FREM2: variants seen among roughly 807,000 people sequenced by gnomAD.
FREM2 encodes the protein FRAS1-related extracellular matrix protein 2.
A neutral mutation model predicts 219.9 loss-of-function variants in FREM2; 119 were observed. The observed-to-expected ratio is 0.54, with a 90% CI of 0.47 to 0.63. The LOEUF is 0.63. Among genes scored for constraint, FREM2 ranks in the 30% least tolerant of loss-of-function variants. The pLI is 0.00. For synonymous variants in FREM2, 1,562 were observed against 1,522.8 expected (o/e 1.03, Z -0.60); for missense variants, 4,030 against 3,993.6 (o/e 1.01, Z -0.25).
chr13:38,856,252 T>G lies in FREM2; in HGVS notation c.7052T>G (p.Met2351Arg), dbSNP rs1410906751. 3 of 1,611,808 alleles carry G rather than the reference T, an allele frequency of 1.9e-6. No homozygotes were observed. The highest frequency in any genetic ancestry group is 2.5e-6 in the Non-Finnish European group (3 of 1,178,470). ...CCTGATGAAAATATGATAGCAGAGATGCAGGTAAGTAATGTAATGTGTATG... is the reference window on the plus strand; with the variant it reads ...CCTGATGAAAATATGATAGCAGAGAGGCAGGTAAGTAATGTAATGTGTATG... ...LKPDENMIAE[M>R]QLTKAIVYIE... Residue 2351 changes from methionine (M) to arginine (R), a missense_variant, in exon 12 of 24, where the codon ATG becomes AGG. Physicochemically the swap from Met to Arg is moderately conservative, Grantham distance 91. Around this residue, in one of 2 missense-constraint regions of FREM2, gnomAD observed 928 missense variants for 1,042.9 expected, o/e 0.89. Transcript: ENST00000280481.
intron 8 of FREM2, 86 bp downstream of exon 8, chr13:38,848,756 T>C: frequency 8.2e-7 from 1 of 1,218,506 alleles, no homozygotes; most frequent in Admixed American, 2.1e-5. Context: ...AAGATGATTA[T>C]ATATATTTGT....
chr13:38,852,312 C>G (rs879493294), intron 11 of FREM2, among the ~76,000 whole-genome samples: 29 of 152,120 alleles, frequency 1.9e-4, no homozygotes, highest in Non-Finnish European at 4.3e-4. Flanking sequence ...GTAAAACAAA[C>G]ACAATGGGAT....
chr13:38,688,356 C>T lies in FREM2; in HGVS notation c.1012C>T (p.Leu338=). ...GGTGGACCAGTTTGTACTGACGGCCCTGACCCCAGACATGCTGGCAGCCGA... is the reference window on the plus strand; with the variant it reads ...GGTGGACCAGTTTGTACTGACGGCCTTGACCCCAGACATGCTGGCAGCCGA... ...MEVDQFVLTA[L]TPDMLAAEDA... The change falls in exon 1 of 24, where the codon CTG becomes TTG. Residue 338 remains leucine (L), a synonymous_variant. Coordinates refer to ENST00000280481, the MANE Select transcript of FREM2 (RefSeq NM_207361.6). 3 of 1,614,186 alleles carry T rather than the reference C, an allele frequency of 1.9e-6. No individual in the cohort carries two copies. Among genetic ancestry groups the T allele is most frequent in the Non-Finnish European group, 2.5e-6 (3 of 1,180,030 alleles).
intron 6 of FREM2, among the ~76,000 whole-genome samples, chr13:38,807,223 A>ATATATG (rs1555268814): frequency 4.0e-5 from 5 of 124,118 alleles, no homozygotes; most frequent in Non-Finnish European, 6.8e-5. Flanking sequence ...ATATATATAT[A>ATATATG]TATATGTATG....
intron 6 of FREM2, among the ~76,000 whole-genome samples, chr13:38,826,128 A>G (rs1876274935): frequency 6.6e-6 from 1 of 152,116 alleles, no homozygotes; most frequent in Non-Finnish European, 1.5e-5. Flanking sequence ...TGCAGGAAAT[A>G]AGCATGAATC....
At position 38,692,320 on chromosome 13, in the gene FREM2, C is replaced by G. The variant is rs1302885297; in HGVS notation, c.4976C>G (p.Ala1659Gly). ...LAVDNSVPQIAVNKGASTLRT... is the reference protein window; with the variant it reads ...LAVDNSVPQIGVNKGASTLRT... ...GTTGACAACAGTGTCCCCCAAATCGCAGTGAATAAGGGGGCCTCTACACTT... is the reference window on the plus strand; with the variant it reads ...GTTGACAACAGTGTCCCCCAAATCGGAGTGAATAAGGGGGCCTCTACACTT... Residue 1659 changes from alanine to glycine, a missense_variant, in exon 1 of 24, where the codon GCA becomes GGA. Physicochemically the swap from Ala to Gly is moderately conservative, Grantham distance 60. Transcript: ENST00000280481. The G allele has an allele frequency of 4.4e-6, 7 of 1,607,834 alleles. No individual in the cohort carries two copies. The highest frequency in any genetic ancestry group is 8.5e-7 in the Non-Finnish European group (1 of 1,176,706).
chr13:38,816,734 G>A (rs546004727), intron 6 of FREM2, among the ~76,000 whole-genome samples: 2 of 152,080 alleles, frequency 1.3e-5, no homozygotes, highest in Non-Finnish European at 2.9e-5. Context: ...GGAGCAATTA[G>A]GCAAGAGAAA....
intron 6 of FREM2, among the ~76,000 whole-genome samples, chr13:38,830,114 T>C (rs1174368998): frequency 6.6e-6 from 1 of 152,138 alleles, no homozygotes; most frequent in Non-Finnish European, 1.5e-5. Flanking sequence ...CGTGTTGATA[T>C]ATAGATTTTC....
rs750109089 is a variant in FREM2, at chr13:38,882,525, GT to G, written c.*1744del. On this transcript the variant is annotated 3_prime_UTR_variant, in exon 24 of 24. Coordinates refer to ENST00000280481, the MANE Select transcript of FREM2 (RefSeq NM_207361.6). ...TAGGCAGCTCTGCACTTCATGTTCA[GT>G]TTTTTAAAAATAGACTGTAGTATCC... The G allele has an allele frequency of 6.6e-6, 1 of 152,114 alleles. No homozygotes were observed. The highest frequency in any genetic ancestry group is 2.4e-5 in the African/African-American group (1 of 41,434). 9.4% of individuals were successfully genotyped at this position (152,114 alleles called of 1,614,324 possible).
intron 6 of FREM2, among the ~76,000 whole-genome samples, chr13:38,844,613 G>A (rs1877082630): frequency 6.6e-6 from 1 of 152,074 alleles, no homozygotes; most frequent in Non-Finnish European, 1.5e-5. Context: ...TTTTTGTTAT[G>A]TGTCTGTGAG....
At chr13:38,768,606 G>C (rs771102697) in intron 3 of FREM2, among the ~76,000 whole-genome samples, 1 of 152,018 alleles carries the variant, frequency 6.6e-6, no homozygotes, top group Non-Finnish European at 1.5e-5. Flanking sequence ...ACATCTGTCT[G>C]TCTTACCCAC....
At chr13:38,719,130 C>CT (rs1376074443) in intron 2 of FREM2, among the ~76,000 whole-genome samples, 1 of 152,220 alleles carries the variant, frequency 6.6e-6, no homozygotes, top group Non-Finnish European at 1.5e-5. Flanking sequence ...AGAGGAGAAT[C>CT]TGTTTTCTTG....
chr13:38,690,417 C>T lies in FREM2; in HGVS notation c.3073C>T (p.Leu1025=). The T allele has an allele frequency of 6.2e-7, 1 of 1,614,042 alleles. No individual in the cohort carries two copies. The highest frequency in any genetic ancestry group is 1.1e-5 in the South Asian group (1 of 91,070). ...TACCCACACCAGTGGTGAGATAGGC[C>T]TATTGCCTAAAGCGGATTCTTTTAA... ...VYTHTSGEIG[L]LPKADSFNLS... is the part of the protein sequence containing the mutation. The change falls in exon 1 of 24, where the codon CTA becomes TTA. Residue 1025 remains leucine, a synonymous_variant. Coordinates refer to ENST00000280481, the MANE Select transcript of FREM2 (RefSeq NM_207361.6).
At chr13:38,806,037 T>C (rs1373039963) in intron 6 of FREM2, among the ~76,000 whole-genome samples, 1 of 151,406 alleles carries the variant, frequency 6.6e-6, no homozygotes, top group Non-Finnish European at 1.5e-5. Context: ...CGGAGAAAGG[T>C]TGCAAAATTA....
At chr13:38,760,500 T>G (rs1873185086) in intron 2 of FREM2, among the ~76,000 whole-genome samples, 1 of 152,188 alleles carries the variant, frequency 6.6e-6, no homozygotes, top group Non-Finnish European at 1.5e-5. Flanking sequence ...CCTTTAGTCA[T>G]CAATAATCCC....
At chr13:38,765,698 C>A (rs1873407385) in intron 3 of FREM2, among the ~76,000 whole-genome samples, 1 of 152,084 alleles carries the variant, frequency 6.6e-6, no homozygotes, top group South Asian at 2.1e-4. Context: ...TTAATTACCC[C>A]TTACTTTTAA....
intron 2 of FREM2, among the ~76,000 whole-genome samples, chr13:38,723,075 A>G (rs996982661): frequency 1.3e-5 from 2 of 150,822 alleles, no homozygotes; most frequent in East Asian, 1.9e-4. Context: ...TACTAAAAAC[A>G]AATACAAAAA....
intron 2 of FREM2, among the ~76,000 whole-genome samples, chr13:38,718,889 A>T (rs1414129311): frequency 6.6e-6 from 1 of 152,202 alleles, no homozygotes; most frequent in East Asian, 1.9e-4. Context: ...TTACAGGAGC[A>T]GTCAGTCGTT....
intron 11 of FREM2, among the ~76,000 whole-genome samples, chr13:38,854,078 A>G (rs1437434008): frequency 1.3e-5 from 2 of 151,256 alleles, no homozygotes; most frequent in Non-Finnish European, 2.9e-5. Context: ...ACATTTTCTA[A>G]TTTCTCCTTT....
Sources: allele counts gnomAD v4.1 joint callset (sites outside exome capture counted in the v4.1 genomes callset), GRCh38; gene constraint gnomAD v4.1.1; regional missense constraint gnomAD v4.1.1; transcripts MANE v1.5; gene names NCBI Gene and HGNC (gene_info 2026-07-23, HGNC 2026-07-21).